RANBP2: variants seen among roughly 807,000 people sequenced by gnomAD.
RANBP2 encodes the protein E3 SUMO-protein ligase RanBP2.
In RANBP2, 57 loss-of-function variants were observed where a neutral mutation model predicts 303.6. The ratio of observed to expected loss-of-function variants is 0.19; its 90% CI spans 0.15 to 0.23. RANBP2 has a LOEUF of 0.23. Ranked by LOEUF, RANBP2 falls within the 10% of genes least tolerant of loss-of-function variation. The pLI is 1.00. For missense variants in RANBP2, 3,138 were observed against 3,780.8 expected, an observed-to-expected ratio of 0.83 and a Z score of 4.46; for synonymous variants, 1,167 against 1,301.5, an observed-to-expected ratio of 0.90 and a Z score of 2.23.
At chr2:108,986,138 G>A in the RANBP2 span, among the ~76,000 whole-genome samples, 2 of 152,154 alleles carry the variant, frequency 1.3e-5, no homozygotes, top group East Asian at 3.8e-4. Flanking sequence ...CTGTTGGGAT[G>A]CCTGAGCCCC....
chr2:108,772,568 A>C lies in RANBP2; in HGVS notation c.8100A>C (p.Glu2700Asp). 1 of 1,613,632 alleles carries C rather than the reference A, an allele frequency of 6.2e-7. No homozygotes were observed. The highest frequency in any genetic ancestry group is 8.5e-7 in the Non-Finnish European group (1 of 1,179,604). Residue 2700 changes from glutamate to aspartate, a missense_variant, in exon 22 of 29, where the codon GAA (glutamate) becomes GAC (aspartate). Transcript: ENST00000283195. ...GCTCAGAAAAATGTAGACCCTTGGA[A>C]GAAAATACAGCAGGTATGTTAAGTG... ...LDGSEKCRPL[E>D]ENTADNEKEC...
chr2:109,146,003 G>A, the RANBP2 span, among the ~76,000 whole-genome samples: 1 of 148,874 alleles, frequency 6.7e-6, no homozygotes, highest in East Asian at 1.9e-4. Context: ...TGACCTCCCG[G>A]CCGCAGTGTC....
the RANBP2 span, among the ~76,000 whole-genome samples, chr2:109,165,234 A>G: frequency 2.0e-5 from 3 of 152,306 alleles, no homozygotes; most frequent in South Asian, 6.2e-4. Context: ...AGAAGTCTTT[A>G]CTAGGTGTAT....
chr2:109,613,216 T>C, the RANBP2 span: 7 of 1,280,426 alleles, frequency 5.5e-6, no homozygotes, highest in Non-Finnish European at 6.1e-6. Flanking sequence ...GCGAGATAAA[T>C]CTACAAAAGT....
chr2:108,930,272 C>T, the RANBP2 span: 22 of 1,613,706 alleles, frequency 1.4e-5, no homozygotes, highest in East Asian at 3.1e-4. Flanking sequence ...TTGTGGCCTC[C>T]GTACCTCCTT....
the RANBP2 span, among the ~76,000 whole-genome samples, chr2:109,236,539 G>T: frequency 3.3e-5 from 5 of 152,150 alleles, no homozygotes; most frequent in Non-Finnish European, 7.4e-5. Context: ...TTTTGTTTTG[G>T]TTATTTCTTT....
chr2:109,116,305 T>C, the RANBP2 span, among the ~76,000 whole-genome samples: 1 of 152,236 alleles, frequency 6.6e-6, no homozygotes, highest in African/African-American at 2.4e-5. Context: ...CATAGTTCCA[T>C]ATTTCTTGGA....
the RANBP2 span, among the ~76,000 whole-genome samples, chr2:108,831,857 C>A: frequency 6.6e-6 from 1 of 152,038 alleles, no homozygotes; most frequent in South Asian, 2.1e-4. Flanking sequence ...CTCAGCCTCC[C>A]GAGTAGCTGG....
the RANBP2 span, among the ~76,000 whole-genome samples, chr2:109,577,392 G>A: frequency 6.6e-6 from 1 of 151,944 alleles, no homozygotes. Flanking sequence ...TCAGGAGTTC[G>A]AGACCAGCCT....
At chr2:109,252,439 T>C in the RANBP2 span, among the ~76,000 whole-genome samples, 2 of 152,222 alleles carry the variant, frequency 1.3e-5, no homozygotes, top group African/African-American at 4.8e-5. Flanking sequence ...TTATAAGCTT[T>C]GTCTTTTTAC....
the RANBP2 span, among the ~76,000 whole-genome samples, chr2:109,155,177 C>T: frequency 6.6e-6 from 1 of 152,342 alleles, no homozygotes; most frequent in East Asian, 1.9e-4. Flanking sequence ...TTGCAAACTA[C>T]AACTTGCTAT....
At chr2:109,613,038 A>T in the RANBP2 span, 27 of 546,720 alleles carry the variant, frequency 4.9e-5, 1 homozygote, top group South Asian at 2.3e-4. Context: ...TACTATCAAA[A>T]ATTAAAAGGG....
the RANBP2 span, among the ~76,000 whole-genome samples, chr2:109,327,754 TTA>T: frequency 1.3e-5 from 2 of 152,272 alleles, no homozygotes; most frequent in South Asian, 4.1e-4. Flanking sequence ...GTATTTTTAA[TTA>T]TATATTTTAG....
chr2:109,479,606 G>C, the RANBP2 span, among the ~76,000 whole-genome samples: 1 of 152,310 alleles, frequency 6.6e-6, no homozygotes, highest in South Asian at 2.1e-4. Flanking sequence ...GCCCGTACAG[G>C]ACTGGCAGCC....
At position 108,777,135 on chromosome 2, in the gene RANBP2, A is replaced by G; in HGVS notation, c.8503A>G (p.Ser2835Gly). The G allele has an allele frequency of 6.2e-7, 1 of 1,613,214 alleles. No individual in the cohort carries two copies. The highest frequency in any genetic ancestry group is 8.5e-7 in the Non-Finnish European group (1 of 1,179,404). ...TTCTTTTTTTCTTTTGCCAGGGGAA[A>G]GCAAGATAGTTTCATTTGGATTTGG... ...IDTDSTSQGE[S>G]KIVSFGFGSS... The change falls in exon 25 of 29, where the codon AGC (serine) becomes GGC (glycine). Residue 2835 changes from serine to glycine, a missense_variant. By Grantham distance (56) the Ser-to-Gly change is moderately conservative. This residue lies in a region of RANBP2 where 497 missense variants were observed against 465.8 expected (regional missense o/e 1.07). Transcript: ENST00000283195.
the RANBP2 span, among the ~76,000 whole-genome samples, chr2:109,249,034 A>G: frequency 1.3e-5 from 2 of 152,178 alleles, no homozygotes; most frequent in African/African-American, 4.8e-5. Context: ...GGTGCATGCC[A>G]CCATGCCCAG....
At chr2:109,303,003 A>G in the RANBP2 span, among the ~76,000 whole-genome samples, 2 of 151,910 alleles carry the variant, frequency 1.3e-5, no homozygotes. Flanking sequence ...CAGCCTCCCT[A>G]GTAGCTGGGA....
At chr2:108,794,514 TA>T in the RANBP2 span, 1 of 1,568,770 alleles carries the variant, frequency 6.4e-7, no homozygotes, top group Non-Finnish European at 8.7e-7. Context: ...ATAAAGTTTA[TA>T]ATGCAAATGT....
At chr2:109,606,329 C>T in the RANBP2 span, among the ~76,000 whole-genome samples, 2 of 144,408 alleles carry the variant, frequency 1.4e-5, no homozygotes, top group South Asian at 2.2e-4. Context: ...GCAGGAGAAT[C>T]GTTTGAACCC....
Sources: gnomAD v4.1 joint callset for allele counts (sites outside exome capture counted in the v4.1 genomes callset) on GRCh38, gnomAD v4.1.1 for gene constraint, gnomAD v4.1.1 regional missense constraint, MANE v1.5 for transcripts, NCBI Gene and HGNC (gene_info 2026-07-23, HGNC 2026-07-21) for gene names.